The following SLC44A5 variants were observed in gnomAD, a reference collection of about 807,000 sequenced individuals.
The protein encoded by SLC44A5 is solute carrier family 44 member 5, also known as choline transporter-like protein 5.
A neutral mutation model predicts 101.8 loss-of-function variants in SLC44A5; 57 were observed. That is an observed-to-expected ratio of 0.56 (90% CI 0.45 to 0.70). SLC44A5 has a LOEUF of 0.70. Among genes scored for constraint, SLC44A5 ranks in the 30% least tolerant of loss-of-function variants. The pLI, the probability that SLC44A5 is intolerant of heterozygous loss-of-function variation, is 0.00. For synonymous variants in SLC44A5, 281 were observed against 290.9 expected (o/e 0.97, Z 0.35); for missense variants, 737 against 853.1 (o/e 0.86, Z 1.70).
At chr1:75,466,187 T>C (rs1419205139) in intron 2 of SLC44A5, among the ~76,000 whole-genome samples, 1 of 152,186 alleles carries the variant, frequency 6.6e-6, no homozygotes, top group Non-Finnish European at 1.5e-5. Flanking sequence ...CATGACCAAA[T>C]GGGATTTATC....
chr1:75,282,399 T>C (rs1403144672), intron 5 of SLC44A5, among the ~76,000 whole-genome samples: 1 of 152,234 alleles, frequency 6.6e-6, no homozygotes, highest in Admixed American at 6.5e-5. Context: ...GAACTTGCCT[T>C]GTCTCAGATG....
the SLC44A5 span, among the ~76,000 whole-genome samples, chr1:75,657,515 TCC>T: frequency 6.7e-6 from 1 of 148,838 alleles, no homozygotes; most frequent in Non-Finnish European, 1.5e-5. Flanking sequence ...ACCATTGCAC[TCC>T]AGCCTGAGTG....
At chr1:75,712,507 A>G in the SLC44A5 span, among the ~76,000 whole-genome samples, 1 of 152,216 alleles carries the variant, frequency 6.6e-6, no homozygotes, top group Non-Finnish European at 1.5e-5. Context: ...CTTTTGCTCT[A>G]TAAACAGAAG....
the SLC44A5 span, among the ~76,000 whole-genome samples, chr1:75,682,981 T>C: frequency 6.6e-6 from 1 of 152,114 alleles, no homozygotes; most frequent in Non-Finnish European, 1.5e-5. Context: ...AAGACATTTA[T>C]GCAGCCAAAA....
intron 2 of SLC44A5, among the ~76,000 whole-genome samples, chr1:75,399,878 A>T (rs1557744637): frequency 6.6e-6 from 1 of 152,216 alleles, no homozygotes; most frequent in Admixed American, 6.5e-5. Context: ...AAATACCTGC[A>T]CTCATATGTT....
At chr1:75,608,863 T>G (rs1345659557) in intron 1 of SLC44A5, among the ~76,000 whole-genome samples, 1 of 151,922 alleles carries the variant, frequency 6.6e-6, no homozygotes, top group African/African-American at 2.4e-5. Context: ...ATCCCATGAT[T>G]AGCAATCCAA....
the SLC44A5 span, chr1:75,720,517 C>A: frequency 6.6e-6 from 1 of 152,178 alleles, no homozygotes; most frequent in Non-Finnish European, 1.5e-5. Flanking sequence ...GATTGTTTGG[C>A]ATGATGCCAA....
intron 2 of SLC44A5, among the ~76,000 whole-genome samples, chr1:75,422,861 T>A (rs1320312589): frequency 1.3e-5 from 2 of 152,210 alleles, no homozygotes; most frequent in African/African-American, 4.8e-5. Context: ...CACTTTCCAC[T>A]ACCCATAGCT....
intron 2 of SLC44A5, among the ~76,000 whole-genome samples, chr1:75,513,778 T>C (rs776682060): frequency 2.6e-4 from 39 of 152,190 alleles, no homozygotes; most frequent in Non-Finnish European, 2.4e-4. Flanking sequence ...CTCTTCATTG[T>C]ATGATGAGTA....
chr1:75,535,131 A>T (rs1038957512), intron 2 of SLC44A5, among the ~76,000 whole-genome samples: 2 of 151,558 alleles, frequency 1.3e-5, no homozygotes, highest in African/African-American at 4.9e-5. Context: ...CTTCTGGCAC[A>T]ATCTGCTTAC....
At chr1:75,599,634 A>T (rs1402058805) in intron 1 of SLC44A5, among the ~76,000 whole-genome samples, 1 of 152,160 alleles carries the variant, frequency 6.6e-6, no homozygotes, top group African/African-American at 2.4e-5. Flanking sequence ...GAAGATGGGA[A>T]ATTTTACAGA....
chr1:75,308,652 C>T (rs1401258760), intron 4 of SLC44A5, among the ~76,000 whole-genome samples: 1 of 152,120 alleles, frequency 6.6e-6, no homozygotes, highest in East Asian at 1.9e-4. Flanking sequence ...GCAAAGAGAC[C>T]TAGCTCTAGA....
intron 4 of SLC44A5, among the ~76,000 whole-genome samples, chr1:75,306,658 A>T (rs1654920624): frequency 6.6e-6 from 1 of 151,222 alleles, no homozygotes; most frequent in Non-Finnish European, 1.5e-5. Flanking sequence ...TTCTCCAACA[A>T]CTGTCATTTT....
At position 75,549,921 on chromosome 1, in the gene SLC44A5, G is replaced by A. The variant is rs566291723; in HGVS notation, c.-69-8405C>T. 6.2e-4 allele frequency among the ~76,000 whole-genome samples: 95 copies of A among 152,134 alleles called. 1 individual carries two copies. The highest frequency in any genetic ancestry group is 6.8e-3 in the Middle Eastern group (2 of 294). On this transcript the variant is annotated intron_variant, in intron 1 of 23. Transcript: ENST00000370859. ...GTATGGCTGGAATATATTGAGGGAA[G>A]AGGAAAGCTGATTAAATGAGAAAAG...
chr1:75,219,173 G>A, intron 16 of SLC44A5, 84 bp downstream of exon 16: 2 of 994,568 alleles, frequency 2.0e-6, no homozygotes, highest in South Asian at 1.3e-5. Flanking sequence ...CTCTGCTTCG[G>A]GACAATTCCT....
the SLC44A5 span, among the ~76,000 whole-genome samples, chr1:75,720,582 T>C: frequency 1.3e-5 from 2 of 151,562 alleles, no homozygotes; most frequent in Non-Finnish European, 2.9e-5. Context: ...AACTTTACCA[T>C]AGAAAGAACT....
At chr1:75,588,770 T>C (rs1674172134) in intron 1 of SLC44A5, among the ~76,000 whole-genome samples, 1 of 152,148 alleles carries the variant, frequency 6.6e-6, no homozygotes, top group South Asian at 2.1e-4. Context: ...ATTTTTTACA[T>C]TTATTTCTTC....
At chr1:75,416,448 G>T (rs1305666132) in intron 2 of SLC44A5, among the ~76,000 whole-genome samples, 4 of 152,236 alleles carry the variant, frequency 2.6e-5, no homozygotes, top group Non-Finnish European at 5.9e-5. Flanking sequence ...TGCATGGGTG[G>T]GGCCCTCATG....
chr1:75,415,113 A>G (rs1175036143), intron 2 of SLC44A5, among the ~76,000 whole-genome samples: 1 of 152,196 alleles, frequency 6.6e-6, no homozygotes, highest in East Asian at 1.9e-4. Context: ...GGGGAGAAAT[A>G]CATAAACACA....
Sources: allele counts gnomAD v4.1 joint callset (sites outside exome capture counted in the v4.1 genomes callset), GRCh38; gene constraint gnomAD v4.1.1; transcripts MANE v1.5; gene names NCBI Gene and HGNC (gene_info 2026-07-23, HGNC 2026-07-21).